The following GRK2 variants were observed in gnomAD, a reference collection of about 807,000 sequenced individuals.
The protein encoded by GRK2 is adrenergic beta receptor kinase 1.
A neutral mutation model predicts 97.8 loss-of-function variants in GRK2; 23 were observed. The observed-to-expected ratio is 0.24, with a 90% CI of 0.17 to 0.33. GRK2 has a LOEUF of 0.33. GRK2 is among the 10% of genes least tolerant of loss of function. GRK2 has a pLI of 1.00. For missense variants in GRK2, 633 were observed against 956.9 expected, an observed-to-expected ratio of 0.66 and a Z score of 4.47; for synonymous variants, 425 against 381.7, an observed-to-expected ratio of 1.11 and a Z score of -1.32.
chr11:67,283,881 G>T lies in GRK2; in HGVS notation c.1423G>T (p.Gly475Trp). The T allele has an allele frequency of 1.2e-6, 2 of 1,613,182 alleles. No individual in the cohort carries two copies. Among genetic ancestry groups the T allele is most frequent in the Non-Finnish European group, 1.7e-6 (2 of 1,179,842 alleles). ...KYPPPLIPPR[G>W]EVNAADAFDI... ...CCCTCCCCCGCTGATCCCCCCACGA[G>T]GGGAGGTGAACGCGGCCGACGCCTT... The change falls in exon 17 of 21, where the codon GGG becomes TGG. Residue 475 changes from glycine (G) to tryptophan (W), a missense_variant. By Grantham distance (184) the Gly-to-Trp change is radical. Transcript: ENST00000308595.
Position 67,266,796 on chromosome 11 carries a change from C to T in GRK2, c.97C>T (p.Leu33=). Residue 33 remains leucine (L), a synonymous_variant, in exon 1 of 21, where the codon CTG becomes TTG. Transcript: ENST00000308595. ...TPAARASKKI[L]LPEPSIRSVM... is the part of the protein sequence containing the mutation. ...GGCCGCGCGCGCCAGCAAGAAGATCCTGCTGCCCGAGCCCAGGTGAGGAGA... is the reference window on the plus strand; with the variant it reads ...GGCCGCGCGCGCCAGCAAGAAGATCTTGCTGCCCGAGCCCAGGTGAGGAGA... The T allele has an allele frequency of 7.6e-7, 1 of 1,322,932 alleles. No individual in the cohort carries two copies. Among genetic ancestry groups the T allele is most frequent in the Non-Finnish European group, 9.8e-7 (1 of 1,023,842 alleles). The allele number at this position is 1,322,932 out of a possible 1,614,324, so 81.9% of individuals were successfully genotyped here.
chr11:67,268,778 C>T (rs1859848883), intron 1 of GRK2, among the ~76,000 whole-genome samples: 1 of 152,174 alleles, frequency 6.6e-6, no homozygotes, highest in South Asian at 2.1e-4. Context: ...TACTGACTTA[C>T]CTATTTTGAT....
chr11:67,282,444 C>T lies in GRK2; in HGVS notation c.1062C>T (p.His354=), dbSNP rs779944341. Reference sequence around the variant, plus strand: ...CCCCTTGCTCCCACAGGGGCACCCACGGGTACATGGCTCCGGAGGTCCTGC... The same window carrying T: ...CCCCTTGCTCCCACAGGGGCACCCATGGGTACATGGCTCCGGAGGTCCTGC... ...KKKPHASVGT[H]GYMAPEVLQK... The change falls in exon 13 of 21, where the codon CAC becomes CAT. Residue 354 remains histidine (H), a synonymous_variant. Transcript: ENST00000308595. The surrounding 1 kb of genome is among the most constrained non-coding windows in gnomAD (Gnocchi z 6.9). The T allele has an allele frequency of 1.3e-5, 21 of 1,613,470 alleles. No homozygotes were observed. The East Asian group carries it at 2.0e-4, about 15-fold the overall frequency.
chr11:67,281,529 C>T lies in GRK2; in HGVS notation c.718C>T (p.Arg240Cys), dbSNP rs1200682182. 3.1e-6 allele frequency: 5 copies of T among 1,613,426 alleles called. No individual in the cohort carries two copies. Among genetic ancestry groups the T allele is most frequent in the African/African-American group, 2.7e-5 (2 of 74,912 alleles). Residue 240 changes from arginine to cysteine, a missense_variant, in exon 9 of 21, where the codon CGC (arginine) becomes TGC (cysteine). Arg to Cys is a radical substitution (Grantham distance 180). Coordinates refer to ENST00000308595, the MANE Select transcript of GRK2 (RefSeq NM_001619.5). This position sits in a 1 kb window ranked among gnomAD's most constrained non-coding sequence, Gnocchi z 5.7. ...GGGGGAGACCCTGGCCCTGAACGAG[C>T]GCATCATGCTCTCGCTCGTCAGCAC... ...KQGETLALNERIMLSLVSTGD... is the reference protein window; with the variant it reads ...KQGETLALNECIMLSLVSTGD...
At position 67,281,837 on chromosome 11, in the gene GRK2, A is replaced by G. The variant is rs1860159033; in HGVS notation, c.842A>G (p.Tyr281Cys). The change falls in exon 11 of 21, where the codon TAC becomes TGC. Residue 281 changes from tyrosine (Y) to cysteine (C), a missense_variant. This residue lies in a region of GRK2 where 192 missense variants were observed against 362.3 expected (regional missense o/e 0.53). Coordinates refer to ENST00000308595, the MANE Select transcript of GRK2 (RefSeq NM_001619.5). This position sits in a 1 kb window ranked among gnomAD's most constrained non-coding sequence, Gnocchi z 5.7. Reference protein sequence around the residue: ...LDLMNGGDLHYHLSQHGVFSE... With the variant: ...LDLMNGGDLHCHLSQHGVFSE... ...CCTCCCTCAGGTGGGGACCTGCACT[A>G]CCACCTCTCCCAGCACGGGGTCTTC... 2 of 1,613,404 alleles carry G rather than the reference A, an allele frequency of 1.2e-6. No homozygotes were observed. The highest frequency in any genetic ancestry group is 1.6e-4 in the Middle Eastern group (1 of 6,084).
At chr11:67,267,041 C>T (rs1406537476) in intron 1 of GRK2, among the ~76,000 whole-genome samples, 1 of 152,026 alleles carries the variant, frequency 6.6e-6, no homozygotes, top group Non-Finnish European at 1.5e-5. Context: ...TCCGGAGCTC[C>T]TCTGCCCCAT....
At position 67,280,330 on chromosome 11, in the gene GRK2, CTTTAGGGAGCAGCTGT is replaced by C; in HGVS notation, c.504-394_504-379del. ...GGAATTGTAGGTAGATTTCAGCCAG[CTTTAGGGAGCAGCTGT>C]TTTAGGGTCACTGCTGCCCAGCCAT... On this transcript the variant is annotated intron_variant, in intron 6 of 20. Coordinates refer to ENST00000308595, the MANE Select transcript of GRK2 (RefSeq NM_001619.5). 8 of 377,464 alleles carry C rather than the reference CTTTAGGGAGCAGCTGT, an allele frequency of 2.1e-5. 1 individual carries two copies. The highest frequency in any genetic ancestry group is 1.9e-4 in the South Asian group (7 of 36,724). The allele number at this position is 377,464 out of a possible 1,614,324, so 23.4% of individuals were successfully genotyped here.
chr11:67,284,083 A>ACTT, intron 17 of GRK2, 128 bp from the exon 18 acceptor site: 1 of 1,466,412 alleles, frequency 6.8e-7, no homozygotes, highest in Non-Finnish European at 9.4e-7. Context: ...TCCTTGGCCA[A>ACTT]CTTCCCTGGG....
intron 15 of GRK2, 27 bp from the exon 16 acceptor site, chr11:67,283,680 G>A: frequency 1.9e-6 from 3 of 1,611,836 alleles, no homozygotes; most frequent in Non-Finnish European, 2.5e-6. Context: ...GTGGGGCTGA[G>A]CCCAGATGAC....
chr11:67,281,904 G>A lies in GRK2; in HGVS notation c.909G>A (p.Leu303=). 6.2e-7 allele frequency: 1 copy of A among 1,613,572 alleles called. No homozygotes were observed. The highest frequency in any genetic ancestry group is 8.5e-7 in the Non-Finnish European group (1 of 1,179,988). ...DMRFYAAEII[L]GLEHMHNRFV... is the part of the protein sequence containing the mutation. ...GCTTCTATGCGGCCGAGATCATCCT[G>A]GGCCTGGAGCACATGCACAACCGCT... The change falls in exon 11 of 21, where the codon CTG becomes CTA. Residue 303 remains leucine, a synonymous_variant. Transcript: ENST00000308595. This position sits in a 1 kb window ranked among gnomAD's most constrained non-coding sequence, Gnocchi z 5.7.
intron 7 of GRK2, 37 bp downstream of exon 7, chr11:67,280,820 C>G: frequency 6.2e-7 from 1 of 1,608,978 alleles, no homozygotes; most frequent in Non-Finnish European, 8.5e-7. Flanking sequence ...AAGCCACGCA[C>G]CCTGCTGCTC....
At chr11:67,283,098 C>T (rs1361381285) in intron 14 of GRK2, 30 bp from the exon 15 acceptor site, 1 of 1,604,676 alleles carries the variant, frequency 6.2e-7, no homozygotes, top group Non-Finnish European at 8.5e-7. Flanking sequence ...TCTTCCTAAG[C>T]CCCTGCTAAT....
chr11:67,281,691 G>T lies in GRK2; in HGVS notation c.789G>T (p.Thr263=), dbSNP rs771507227. 5 of 1,506,748 alleles carry T rather than the reference G, an allele frequency of 3.3e-6. No homozygotes were observed. The highest frequency in any genetic ancestry group is 4.5e-6 in the Non-Finnish European group (5 of 1,114,940). 93.3% of individuals were successfully genotyped at this position (1,506,748 alleles called of 1,614,324 possible). ...FIVCMSYAFH[T]PDKLSFILDL... ...TCTGCATGTCATACGCGTTCCACAC[G>T]CCAGACAAGCTCAGCTTCATCCTGG... Residue 263 remains threonine (T), a synonymous_variant, in exon 10 of 21, where the codon ACG becomes ACT. Transcript: ENST00000308595. This position sits in a 1 kb window ranked among gnomAD's most constrained non-coding sequence, Gnocchi z 5.7.
rs1860261533 is a variant in GRK2 at position 67,285,590 on chromosome 11, G to A, written c.*140G>A. ...CAGCCTGGCCCAGCTCCCCCGGGAG[G>A]GGCCCGCTTGCCTCGGCTCCTGCTG... On this transcript the variant is annotated 3_prime_UTR_variant, in exon 21 of 21. Coordinates refer to ENST00000308595, the MANE Select transcript of GRK2 (RefSeq NM_001619.5). 1.1e-5 allele frequency: 13 copies of A among 1,154,788 alleles called. No homozygotes were observed. The South Asian group carries it at 2.1e-4, about 18-fold the overall frequency. The allele number at this position is 1,154,788 out of a possible 1,614,324, so 71.5% of individuals were successfully genotyped here.
intron 1 of GRK2, 159 bp from the exon 2 acceptor site, chr11:67,277,113 G>C: frequency 3.1e-6 from 2 of 638,098 alleles, no homozygotes; most frequent in Non-Finnish European, 5.4e-6. Context: ...AAGCCTTCTG[G>C]TCTGACCTGT....
Position 67,269,786 on chromosome 11 carries a change from A to G in GRK2, c.113+2974A>G, listed in dbSNP as rs926693847. On this transcript the variant is annotated intron_variant, in intron 1 of 20. Coordinates refer to ENST00000308595, the MANE Select transcript of GRK2 (RefSeq NM_001619.5). The surrounding 1 kb of genome is among the most constrained non-coding windows in gnomAD (Gnocchi z 4.1). ...GGTGGCCCACCTTGGCAGCCCCTCCATGGCTGGTGCCTGGGGATGTGTCTT... is the reference window on the plus strand; with the variant it reads ...GGTGGCCCACCTTGGCAGCCCCTCCGTGGCTGGTGCCTGGGGATGTGTCTT... Among the ~76,000 whole-genome samples the G allele has an allele frequency of 1.5e-4, 23 of 152,196 alleles. No individual in the cohort carries two copies. The highest frequency in any genetic ancestry group is 5.3e-4 in the African/African-American group (22 of 41,430).
At chr11:67,280,555 G>A (rs1403536593) in intron 6 of GRK2, 177 bp from the exon 7 acceptor site, 5 of 724,224 alleles carry the variant, frequency 6.9e-6, no homozygotes, top group African/African-American at 1.7e-5. Flanking sequence ...CCTGACTGGT[G>A]CTGTGGGCGG....
chr11:67,273,940 G>A (rs1859966115), intron 1 of GRK2, among the ~76,000 whole-genome samples: 1 of 151,602 alleles, frequency 6.6e-6, no homozygotes, highest in Admixed American at 6.6e-5. Context: ...GACTTTGTGT[G>A]TCCAGTTGAA....
chr11:67,271,092 G>A (rs1859897469), intron 1 of GRK2: 2 of 152,276 alleles, frequency 1.3e-5, no homozygotes, highest in Non-Finnish European at 2.9e-5. Flanking sequence ...GTATGCTCTT[G>A]CCTCGGAACA....
Sources: allele counts gnomAD v4.1 joint callset (sites outside exome capture counted in the v4.1 genomes callset), GRCh38; gene constraint gnomAD v4.1.1; regional missense constraint gnomAD v4.1.1; non-coding constraint Gnocchi (gnomAD v3.1); transcripts MANE v1.5; gene names NCBI Gene and HGNC (gene_info 2026-07-23, HGNC 2026-07-21).